FAM50B: variants seen among roughly 807,000 people sequenced by gnomAD.
FAM50B encodes protein FAM50B.
A neutral mutation model predicts 25.4 loss-of-function variants in FAM50B; 9 were observed. The ratio of observed to expected loss-of-function variants is 0.35; its 90% confidence interval spans 0.21 to 0.62. The LOEUF is 0.62. FAM50B is among the 20% of genes least tolerant of loss of function. The pLI is 0.73. For missense variants in FAM50B, 372 were observed against 477.9 expected (o/e 0.78, Z 2.07); for synonymous variants, 212 against 204.3 (o/e 1.04, Z -0.32).
chr6:3,832,649 C>T, the FAM50B span, among the ~76,000 whole-genome samples: 5 of 152,294 alleles, frequency 3.3e-5, no homozygotes, highest in Admixed American at 3.3e-4. Flanking sequence ...TGAATCAATG[C>T]TTCCCCTGTT....
chr6:3,838,859 A>AAAC, the FAM50B span, among the ~76,000 whole-genome samples: 1 of 143,226 alleles, frequency 7.0e-6, no homozygotes, highest in African/African-American at 2.6e-5. Flanking sequence ...AAAAAAAAAA[A>AAAC]ACACACACAC....
chr6:3,834,745 T>C, the FAM50B span, among the ~76,000 whole-genome samples: 2 of 152,194 alleles, frequency 1.3e-5, no homozygotes, highest in African/African-American at 4.8e-5. Flanking sequence ...TATTTTGATA[T>C]AGTCTTACAT....
the FAM50B span, chr6:3,833,683 C>A: frequency 6.6e-6 from 1 of 152,172 alleles, no homozygotes; most frequent in Non-Finnish European, 1.5e-5. Context: ...GATCTGATCA[C>A]CCTTATGAGA....
the FAM50B span, among the ~76,000 whole-genome samples, chr6:3,837,227 A>T: frequency 1.3e-5 from 2 of 152,242 alleles, no homozygotes; most frequent in Non-Finnish European, 2.9e-5. Flanking sequence ...AGCAACCGAT[A>T]AATTGAAGTT....
the FAM50B span, among the ~76,000 whole-genome samples, chr6:3,843,671 C>A: frequency 1.3e-5 from 2 of 152,224 alleles, no homozygotes; most frequent in African/African-American, 4.8e-5. Flanking sequence ...GGTTCTTCCC[C>A]TTACCCCTAC....
rs763572373 is a variant in FAM50B at position 3,850,068 on chromosome 6, G to T, written c.257G>T (p.Arg86Leu). 3.7e-6 allele frequency: 6 copies of T among 1,610,978 alleles called. No homozygotes were observed. The highest frequency in any genetic ancestry group is 5.1e-6 in the Non-Finnish European group (6 of 1,178,876). ...GAGGCCCTGGTCAGGGAGCGCGAGC[G>T]GCAGCTGGCCAAGCGCCAGCACCTG... ...RQEALVRERE[R>L]QLAKRQHLEE... The change falls in exon 2 of 2, where the codon CGG becomes CTG. Residue 86 changes from arginine to leucine, a missense_variant. By Grantham distance (102) the Arg-to-Leu change is moderately radical (BLOSUM62 -2). Coordinates refer to ENST00000648326, the MANE Select transcript of FAM50B (RefSeq NM_012135.3).
rs772536143 is a variant in FAM50B at position 3,850,298 on chromosome 6, A to G, written c.487A>G (p.Asn163Asp). 6.2e-7 allele frequency: 1 copy of G among 1,613,272 alleles called. No individual in the cohort carries two copies. The highest frequency in any genetic ancestry group is 8.5e-7 in the Non-Finnish European group (1 of 1,179,760). ...AGACCGCGACCGCGAGGAGGAGGAG[A>G]ACCGGCTCCGAGAGGAGCTGCGCCA... Reference protein sequence around the residue: ...LPDRDREEEENRLREELRQEW... With the variant: ...LPDRDREEEEDRLREELRQEW... Residue 163 changes from asparagine to aspartate, a missense_variant, in exon 2 of 2, where the codon AAC (asparagine) becomes GAC (aspartate). By Grantham distance (23) the Asn-to-Asp change is conservative (BLOSUM62 1). Transcript: ENST00000648326.
chr6:3,836,542 G>A, the FAM50B span, among the ~76,000 whole-genome samples: 1 of 152,154 alleles, frequency 6.6e-6, no homozygotes, highest in Non-Finnish European at 1.5e-5. Flanking sequence ...TTAATACCTA[G>A]AACAATTATA....
chr6:3,838,273 T>C, the FAM50B span, among the ~76,000 whole-genome samples: 1 of 151,708 alleles, frequency 6.6e-6, no homozygotes, highest in Non-Finnish European at 1.5e-5. Flanking sequence ...ATTGCACCAC[T>C]GCACTCCAGC....
chr6:3,837,505 T>C, the FAM50B span, among the ~76,000 whole-genome samples: 1 of 152,116 alleles, frequency 6.6e-6, no homozygotes, highest in Non-Finnish European at 1.5e-5. Flanking sequence ...TAAATGCAAA[T>C]TAAAACCACA....
chr6:3,843,121 T>A, the FAM50B span, among the ~76,000 whole-genome samples: 1 of 152,230 alleles, frequency 6.6e-6, no homozygotes, highest in Non-Finnish European at 1.5e-5. Context: ...CATAATACAC[T>A]CTTCTTCAAA....
In FAM50B at chr6:3,850,600, G is replaced by GC. The variant is rs934477657; in HGVS notation, c.791dup (p.Leu265AlafsTer9). On this transcript the variant is annotated frameshift_variant, in exon 2 of 2. Coordinates refer to ENST00000648326, the MANE Select transcript of FAM50B (RefSeq NM_012135.3). LOFTEE classifies it high-confidence loss of function. ...TCGCCAGGGCGAGGGGCAAGAGCGG[G>GC]CCGCTCTTCAGCTTCGATGTGCACG... The GC allele has an allele frequency of 6.2e-7, 1 of 1,614,114 alleles. No homozygotes were observed. The highest frequency in any genetic ancestry group is 1.3e-5 in the African/African-American group (1 of 75,068).
At chr6:3,846,835 T>C (rs1762129308), upstream of FAM50B, among the ~76,000 whole-genome samples, 1 of 152,234 alleles carries the variant, frequency 6.6e-6, no homozygotes, top group African/African-American at 2.4e-5. Context: ...AAAGTCAAAA[T>C]TACTCCTTGA....
chr6:3,850,279 CGA>C lies in FAM50B; in HGVS notation c.469_470del (p.Asp157ProfsTer116). On this transcript the variant is annotated frameshift_variant, in exon 2 of 2. Coordinates refer to ENST00000648326, the MANE Select transcript of FAM50B (RefSeq NM_012135.3). LOFTEE classifies it high-confidence loss of function. ...TGGACACCAGCTTCCTGCCAGACCGCGACCGCGAGGAGGAGGAGAACCGGCTC... is the reference window on the plus strand; with the variant it reads ...TGGACACCAGCTTCCTGCCAGACCGCCCGCGAGGAGGAGGAGAACCGGCTC... ...DVDTSFLPDR[D>X]REEEENRLRE... 1 of 1,613,024 alleles carries C rather than the reference CGA, an allele frequency of 6.2e-7. No homozygotes were observed. The highest frequency in any genetic ancestry group is 8.5e-7 in the Non-Finnish European group (1 of 1,179,718).
the FAM50B span, among the ~76,000 whole-genome samples, chr6:3,840,465 C>A: frequency 9.9e-6 from 1 of 101,388 alleles, no homozygotes; most frequent in African/African-American, 4.7e-5. Flanking sequence ...AAGAGCAAAT[C>A]TCCTTCTCAA....
the FAM50B span, among the ~76,000 whole-genome samples, chr6:3,842,613 A>T: frequency 6.6e-6 from 1 of 152,110 alleles, no homozygotes. Context: ...ATGCTTTGCC[A>T]CTTCAAAACA....
the FAM50B span, among the ~76,000 whole-genome samples, chr6:3,843,473 G>A: frequency 1.3e-5 from 2 of 152,142 alleles, no homozygotes; most frequent in African/African-American, 2.4e-5. Context: ...AAAAAAATGA[G>A]GTCTTACAGC....
the FAM50B span, among the ~76,000 whole-genome samples, chr6:3,840,142 A>G: frequency 5.9e-5 from 9 of 151,912 alleles, no homozygotes; most frequent in Non-Finnish European, 8.8e-5. Flanking sequence ...ACAGGCGCAC[A>G]CCACCATGCC....
At chr6:3,848,212 A>C (rs1762144595), upstream of FAM50B, among the ~76,000 whole-genome samples, 1 of 152,280 alleles carries the variant, frequency 6.6e-6, no homozygotes, top group Admixed American at 6.5e-5. Flanking sequence ...TTGTAAAAAC[A>C]AAAACAAAAC....
Sources: gnomAD v4.1 joint callset for allele counts (sites outside exome capture counted in the v4.1 genomes callset) on GRCh38, gnomAD v4.1.1 for gene constraint, MANE v1.5 for transcripts, NCBI Gene and HGNC (gene_info 2026-07-23, HGNC 2026-07-21) for gene names.